The following CBFA2T2 variants were observed in gnomAD, a reference collection of about 807,000 sequenced individuals.
CBFA2T2 encodes CBFA2/RUNX1 partner transcriptional co-repressor 2.
Under a neutral mutation model 62.2 loss-of-function variants are expected in CBFA2T2, and 11 were observed. The observed-to-expected ratio is 0.18, with a 90% CI of 0.11 to 0.29. The LOEUF (loss-of-function observed/expected upper bound fraction) is 0.29, where lower values mean the gene tolerates loss of function less well. Ranked by LOEUF, CBFA2T2 falls within the 10% of genes least tolerant of loss-of-function variation. The pLI is 1.00. For synonymous variants in CBFA2T2, 295 were observed against 287.5 expected (o/e 1.03, Z -0.27); for missense variants, 592 against 774.1 (o/e 0.76, Z 2.79).
At chr20:33,575,635 A>G (rs1415965651) in intron 1 of CBFA2T2, among the ~76,000 whole-genome samples, 2 of 152,132 alleles carry the variant, frequency 1.3e-5, no homozygotes, top group Non-Finnish European at 2.9e-5. Flanking sequence ...TTTCGCTAGA[A>G]GCCTAAATCT....
chr20:33,636,258 CA>C (rs34178424), intron 8 of CBFA2T2, among the ~76,000 whole-genome samples: 6,913 of 75,136 alleles, frequency 0.092, 232 homozygotes, highest in African/African-American at 0.21. Context: ...GACTCCGTCT[CA>C]AAAAAAAAAA....
At chr20:33,521,938 C>T (rs973262585) in intron 1 of CBFA2T2, among the ~76,000 whole-genome samples, 6 of 151,452 alleles carry the variant, frequency 4.0e-5, no homozygotes, top group African/African-American at 1.5e-4. Flanking sequence ...AAGATATTTC[C>T]AGCTCGTTAA....
At chr20:33,530,500 C>T (rs969260091) in intron 1 of CBFA2T2, among the ~76,000 whole-genome samples, 3 of 152,302 alleles carry the variant, frequency 2.0e-5, no homozygotes, top group Non-Finnish European at 4.4e-5. Flanking sequence ...TCACTGCAAC[C>T]TCTGCCTCCC....
At chr20:33,629,461 G>A (rs2016370700) in intron 7 of CBFA2T2, among the ~76,000 whole-genome samples, 1 of 152,228 alleles carries the variant, frequency 6.6e-6, no homozygotes, top group Admixed American at 6.5e-5. Context: ...TTGGCCAGAA[G>A]GCCATGCATC....
At chr20:33,528,381 G>A (rs1033550774) in intron 1 of CBFA2T2, among the ~76,000 whole-genome samples, 2 of 152,208 alleles carry the variant, frequency 1.3e-5, no homozygotes, top group Admixed American at 1.3e-4. Context: ...GGTTGCATGT[G>A]GAAAATGTTG....
chr20:33,632,941 T>C (rs2016506087), intron 8 of CBFA2T2, among the ~76,000 whole-genome samples: 1 of 151,928 alleles, frequency 6.6e-6, no homozygotes, highest in African/African-American at 2.4e-5. Context: ...GTATTTTTAG[T>C]AGAGATGAGG....
At position 33,623,189 on chromosome 20, in the gene CBFA2T2, G is replaced by C. The variant is rs771290433; in HGVS notation, c.585G>C (p.Leu195=). 6.2e-7 allele frequency: 1 copy of C among 1,614,218 alleles called. No individual in the cohort carries two copies. The highest frequency in any genetic ancestry group is 8.5e-7 in the Non-Finnish European group (1 of 1,180,040). Residue 195 remains leucine, a synonymous_variant, in exon 5 of 11, where the codon CTG becomes CTC. Transcript: ENST00000342704. ...CCAAGCAGACCCCATCCCAGTACCTGGCTCAGCACGAACACCTTCTGCTCA... is the reference window on the plus strand; with the variant it reads ...CCAAGCAGACCCCATCCCAGTACCTCGCTCAGCACGAACACCTTCTGCTCA... ...RAAKQTPSQY[L]AQHEHLLLNT...
At chr20:33,625,500 G>T (rs1246093461) in intron 6 of CBFA2T2, among the ~76,000 whole-genome samples, 1 of 152,152 alleles carries the variant, frequency 6.6e-6, no homozygotes, top group Non-Finnish European at 1.5e-5. Context: ...GAATAAAGGG[G>T]TATCGCCTAT....
chr20:33,525,484 C>T (rs2011862605), intron 1 of CBFA2T2, among the ~76,000 whole-genome samples: 1 of 152,086 alleles, frequency 6.6e-6, no homozygotes, highest in Non-Finnish European at 1.5e-5. Context: ...CTGCACCTGG[C>T]CCTACCCTAC....
At chr20:33,514,537 C>T (rs371866195) in intron 1 of CBFA2T2, among the ~76,000 whole-genome samples, 5 of 151,662 alleles carry the variant, frequency 3.3e-5, no homozygotes, top group East Asian at 1.9e-4. Flanking sequence ...GGGGATGGAG[C>T]GAAAAGCTGA....
At chr20:33,605,905 G>A (rs746696867) in intron 1 of CBFA2T2, among the ~76,000 whole-genome samples, 12 of 151,238 alleles carry the variant, frequency 7.9e-5, no homozygotes, top group Admixed American at 2.0e-4. Context: ...TGCAACCTCC[G>A]CCTCCCAGGT....
chr20:33,556,159 G>A (rs958197489), intron 1 of CBFA2T2, among the ~76,000 whole-genome samples: 6 of 152,156 alleles, frequency 3.9e-5, no homozygotes, highest in South Asian at 2.1e-4. Context: ...GAGCCACTGC[G>A]GCTCTTTAAT....
chr20:33,612,508 A>C (rs551133541), intron 3 of CBFA2T2, among the ~76,000 whole-genome samples: 33 of 152,218 alleles, frequency 2.2e-4, no homozygotes, highest in Non-Finnish European at 4.6e-4. Context: ...TAAATGCAAA[A>C]GTAGAGAGAA....
intron 8 of CBFA2T2, among the ~76,000 whole-genome samples, chr20:33,634,670 CAA>C (rs758089440): frequency 2.4e-3 from 117 of 47,910 alleles, no homozygotes; most frequent in East Asian, 5.4e-3. Context: ...ACCCTATGTC[CAA>C]AAAAAAAAAA....
chr20:33,517,450 G>GTTTT (rs773285489), intron 1 of CBFA2T2, among the ~76,000 whole-genome samples: 2 of 129,120 alleles, frequency 1.5e-5, no homozygotes, highest in African/African-American at 2.9e-5. Context: ...GGTTTTTTTG[G>GTTTT]TGTTTTTTTT....
At chr20:33,510,992 T>C (rs2011502224) in intron 1 of CBFA2T2, among the ~76,000 whole-genome samples, 1 of 152,210 alleles carries the variant, frequency 6.6e-6, no homozygotes, top group African/African-American at 2.4e-5. Context: ...GTTTGTTTTT[T>C]TCTTGTAAAT....
At chr20:33,536,326 G>A (rs1222494874) in intron 1 of CBFA2T2, among the ~76,000 whole-genome samples, 2 of 145,762 alleles carry the variant, frequency 1.4e-5, no homozygotes, top group Non-Finnish European at 3.1e-5. Context: ...CCTCCCAGAC[G>A]GGGCGGCTGG....
At position 33,490,141 on chromosome 20, in the gene CBFA2T2, G is replaced by C. The variant is rs982082593; in HGVS notation, c.-127G>C. 6 of 985,686 alleles carry C rather than the reference G, an allele frequency of 6.1e-6. No homozygotes were observed. In the African/African-American group the frequency reaches 8.6e-5, roughly 14 times the overall value. The allele number at this position is 985,686 out of a possible 1,614,324, so 61.1% of individuals were successfully genotyped here. On this transcript the variant is annotated 5_prime_UTR_variant, in exon 1 of 11. Transcript: ENST00000342704. Reference sequence around the variant, plus strand: ...CAGCAGCGGTGGTGGTGTCTGGTTAGCTCGGCGGCTGCAGATCTCGCGGCG... The same window carrying C: ...CAGCAGCGGTGGTGGTGTCTGGTTACCTCGGCGGCTGCAGATCTCGCGGCG...
rs1237149201 is a variant in CBFA2T2, at chr20:33,644,922, T to C, written c.*276T>C. 1 of 422,720 alleles carries C rather than the reference T, an allele frequency of 2.4e-6. No homozygotes were observed. The highest frequency in any genetic ancestry group is 4.2e-6 in the Non-Finnish European group (1 of 236,054). 26.2% of individuals were successfully genotyped at this position (422,720 alleles called of 1,614,324 possible). On this transcript the variant is annotated 3_prime_UTR_variant, in exon 11 of 11. Coordinates refer to ENST00000342704, the MANE Select transcript of CBFA2T2 (RefSeq NM_001032999.3). ...GTTCCTCTCTCCACTGAAGCTGACT[T>C]AGCCGGCCCCTTTTCAGTGTAGACC... is the stretch of plus-strand genomic sequence containing the variant.
Sources: gnomAD v4.1 joint callset for allele counts (sites outside exome capture counted in the v4.1 genomes callset) on GRCh38, gnomAD v4.1.1 for gene constraint, MANE v1.5 for transcripts, NCBI Gene and HGNC (gene_info 2026-07-23, HGNC 2026-07-21) for gene names.